Variants in PCDHA4 observed in about 807,000 individuals in gnomAD.
The protein encoded by PCDHA4 is protocadherin alpha-4.
In PCDHA4, 49 loss-of-function variants were observed where a neutral mutation model predicts 61.4. The observed-to-expected ratio is 0.80, with a 90% CI of 0.63 to 1.01. The LOEUF is 1.01. Ranked by LOEUF, PCDHA4 falls within the 50% of genes least tolerant of loss-of-function variation. The pLI, the probability that PCDHA4 is intolerant of heterozygous loss-of-function variation, is 0.00. For missense variants in PCDHA4, 1,254 were observed against 1,235.8 expected (o/e 1.01, Z -0.22); for synonymous variants, 590 against 550.3 (o/e 1.07, Z -1.01).
At position 140,843,610 on chromosome 5, in the gene PCDHA4, G is replaced by C; in HGVS notation, c.2385+34038G>C. 5.6e-6 allele frequency: 9 copies of C among 1,595,980 alleles called. 1 individual carries two copies. The highest frequency in any genetic ancestry group is 7.7e-6 in the Non-Finnish European group (9 of 1,165,482). On this transcript the variant is annotated intron_variant, in intron 1 of 3. Transcript: ENST00000530339. Reference sequence around the variant, plus strand: ...CGCAGAGGGTGTGCTCTGGTGAGGGGCCACCGAAGACGGACCTCATGGCCT... The same window carrying C: ...CGCAGAGGGTGTGCTCTGGTGAGGGCCCACCGAAGACGGACCTCATGGCCT...
intron 1 of PCDHA4, among the ~76,000 whole-genome samples, chr5:140,942,504 G>C (rs2093309107): frequency 6.6e-6 from 1 of 151,936 alleles, no homozygotes; most frequent in Admixed American, 6.6e-5. Flanking sequence ...ATGGTATCTA[G>C]GAAACTCAGA....
In PCDHA4 at chr5:140,851,659, C is replaced by T; in HGVS notation, c.2385+42087C>T. The T allele has an allele frequency of 2.2e-6, 2 of 912,906 alleles. 1 individual carries two copies. Among genetic ancestry groups the T allele is most frequent in the Non-Finnish European group, 2.7e-6 (2 of 750,030 alleles). 56.6% of individuals were successfully genotyped at this position (912,906 alleles called of 1,614,324 possible). On this transcript the variant is annotated intron_variant, in intron 1 of 3. Coordinates refer to ENST00000530339, the MANE Select transcript of PCDHA4 (RefSeq NM_018907.4). The stretch of plus-strand genomic sequence containing the variant: ...TTCCTTTCTTCAAGAAGACATTCTC[C>T]TTTTAATTGAAATTTTCTCCATTCA...
chr5:140,999,032 C>T (rs2097843779), intron 3 of PCDHA4, among the ~76,000 whole-genome samples: 1 of 152,236 alleles, frequency 6.6e-6, no homozygotes, highest in South Asian at 2.1e-4. Flanking sequence ...TTTGATACTT[C>T]GTCCAGTGTG....
rs1436841742 is a variant in PCDHA4, at chr5:140,852,718, G to A, written c.2385+43146G>A. 4.1e-6 allele frequency: 4 copies of A among 981,606 alleles called. 1 individual carries two copies. The highest frequency in any genetic ancestry group is 4.9e-6 in the Non-Finnish European group (4 of 814,578). 60.8% of individuals were successfully genotyped at this position (981,606 alleles called of 1,614,324 possible). ...CTTTCAAGTATCTTTGTCTTTGCAC[G>A]TTTTTCAAGTTTCATGTGCCATTTA... is the stretch of plus-strand genomic sequence containing the variant. On this transcript the variant is annotated intron_variant, in intron 1 of 3. Coordinates refer to ENST00000530339, the MANE Select transcript of PCDHA4 (RefSeq NM_018907.4).
At chr5:140,954,076 C>T (rs941125208) in intron 1 of PCDHA4, among the ~76,000 whole-genome samples, 4 of 152,150 alleles carry the variant, frequency 2.6e-5, no homozygotes, top group Non-Finnish European at 2.9e-5. Context: ...AGGATAATGG[C>T]TTCCAGCTCC....
chr5:140,841,865 G>A, intron 1 of PCDHA4: 1 of 1,613,856 alleles, frequency 6.2e-7, no homozygotes, highest in Non-Finnish European at 8.5e-7. Context: ...CATGCTAGAT[G>A]TGAATTCAAA....
chr5:141,011,182 G>T lies in PCDHA4; in HGVS notation c.*1245G>T, dbSNP rs887034679. On this transcript the variant is annotated 3_prime_UTR_variant, in exon 4 of 4. Coordinates refer to ENST00000530339, the MANE Select transcript of PCDHA4 (RefSeq NM_018907.4). ...TATATATCAAGACCCAAAAATTGAA[G>T]AAAAATATTGTTTTCTCATACAGTG... 1.3e-5 allele frequency: 2 copies of T among 153,494 alleles called. No individual in the cohort carries two copies. Among genetic ancestry groups the T allele is most frequent in the Admixed American group, 6.6e-5 (1 of 15,254 alleles). The allele number at this position is 153,494 out of a possible 1,614,324, so 9.5% of individuals were successfully genotyped here.
chr5:140,927,640 A>G (rs2084459027), intron 1 of PCDHA4: 8 of 1,614,138 alleles, frequency 5.0e-6, no homozygotes, highest in Non-Finnish European at 6.8e-6. Flanking sequence ...ACCCAATGGG[A>G]CTGTGTTATT....
chr5:140,950,581 C>T (rs1158445917), intron 1 of PCDHA4, among the ~76,000 whole-genome samples: 2 of 151,860 alleles, frequency 1.3e-5, no homozygotes, highest in Non-Finnish European at 2.9e-5. Flanking sequence ...TTCTACTTAC[C>T]TTTGGTTTAG....
At chr5:140,823,770 G>A (rs2150128966) in intron 1 of PCDHA4, 5 of 1,613,894 alleles carry the variant, frequency 3.1e-6, no homozygotes, top group East Asian at 4.5e-5. Flanking sequence ...CCACAGTGCT[G>A]GTGTCGCTGG....
chr5:141,008,633 A>G (rs1212403774), intron 3 of PCDHA4, among the ~76,000 whole-genome samples: 1 of 152,212 alleles, frequency 6.6e-6, no homozygotes, highest in African/African-American at 2.4e-5. Context: ...AGTATAATTA[A>G]CAATTTCTTC....
At chr5:140,976,971 C>A (rs2096740170) in intron 1 of PCDHA4, among the ~76,000 whole-genome samples, 1 of 152,138 alleles carries the variant, frequency 6.6e-6, no homozygotes, top group Non-Finnish European at 1.5e-5. Flanking sequence ...TTTCCTTTTC[C>A]CTGCCTGATC....
chr5:140,867,957 CA>C (rs1271215913), intron 1 of PCDHA4: 1 of 152,006 alleles, frequency 6.6e-6, no homozygotes, highest in Non-Finnish European at 1.5e-5. Flanking sequence ...CTCCCAAACC[CA>C]AAATTCTTTC....
intron 1 of PCDHA4, among the ~76,000 whole-genome samples, chr5:140,888,097 G>T (rs536916138): frequency 3.3e-4 from 50 of 152,066 alleles, no homozygotes; most frequent in African/African-American, 1.2e-3. Context: ...TCCTTAGTTT[G>T]CTTCTTTTAA....
intron 1 of PCDHA4, chr5:140,856,888 TA>T (rs782463832): frequency 1.3e-6 from 2 of 1,596,688 alleles, no homozygotes; most frequent in Non-Finnish European, 1.7e-6. Context: ...TGTATTCATT[TA>T]GCTCTTTGGT....
At chr5:140,966,968 G>T in intron 1 of PCDHA4, 1 of 1,602,616 alleles carries the variant, frequency 6.2e-7, no homozygotes. Context: ...GCTGGGGCTT[G>T]AGCTGCGGCG....
intron 1 of PCDHA4, chr5:140,816,983 G>C (rs1766039498): frequency 6.6e-6 from 1 of 152,006 alleles, no homozygotes; most frequent in Non-Finnish European, 1.5e-5. Context: ...CTAAAATTCA[G>C]GAACTTTGGA....
chr5:140,828,192 C>G (rs1554131077), intron 1 of PCDHA4: 3 of 1,614,102 alleles, frequency 1.9e-6, no homozygotes, highest in Admixed American at 3.3e-5. Context: ...CTCCACTACT[C>G]CGTACCCGAG....
At chr5:140,929,721 ATTTACT>A (rs1474734727) in intron 1 of PCDHA4, 3 of 222,378 alleles carry the variant, frequency 1.3e-5, no homozygotes, top group African/African-American at 4.6e-5. Flanking sequence ...AAGGTGAAAC[ATTTACT>A]TAAACTATTG....
Sources: allele counts gnomAD v4.1 joint callset (sites outside exome capture counted in the v4.1 genomes callset), GRCh38; gene constraint gnomAD v4.1.1; transcripts MANE v1.5; gene names NCBI Gene and HGNC (gene_info 2026-07-23, HGNC 2026-07-21).